The following PPP2CB variants were observed in gnomAD, a reference collection of about 807,000 sequenced individuals.
PPP2CB encodes the protein serine/threonine-protein phosphatase 2A catalytic subunit beta isoform.
A neutral mutation model predicts 39.1 loss-of-function variants in PPP2CB; 18 were observed. The ratio of observed to expected loss-of-function variants is 0.46; its 90% CI spans 0.32 to 0.68. The LOEUF (loss-of-function observed/expected upper bound fraction) is 0.68. Among genes scored for constraint, PPP2CB ranks in the 30% least tolerant of loss-of-function variants. PPP2CB has a pLI of 0.04. For synonymous variants in PPP2CB, 129 were observed against 133.8 expected, an observed-to-expected ratio of 0.96 and a Z score of 0.25; for missense variants, 226 against 396.9, an observed-to-expected ratio of 0.57 and a Z score of 3.66.
At chr8:30,809,915 TGACACACCAA>T (rs1806795514) in intron 1 of PPP2CB, 1 of 149,898 alleles carries the variant, frequency 6.7e-6, no homozygotes, top group Admixed American at 6.7e-5. Flanking sequence ...CCAGCCTGAC[TGACACACCAA>T]GACTGCGTCC....
chr8:30,789,036 T>A (rs2128760173), intron 6 of PPP2CB, among the ~76,000 whole-genome samples: 1 of 151,376 alleles, frequency 6.6e-6, no homozygotes, highest in African/African-American at 2.4e-5. Flanking sequence ...GTGGCCCTGC[T>A]CGGATGTTTT....
intron 6 of PPP2CB, among the ~76,000 whole-genome samples, chr8:30,789,789 G>A (rs546162401): frequency 2.6e-5 from 4 of 152,270 alleles, no homozygotes; most frequent in East Asian, 1.9e-4. Context: ...TGGGGCTGCC[G>A]TAACAAATTA....
At chr8:30,789,371 G>A (rs552636830) in intron 6 of PPP2CB, among the ~76,000 whole-genome samples, 9 of 152,286 alleles carry the variant, frequency 5.9e-5, no homozygotes, top group Non-Finnish European at 1.3e-4. Context: ...GCTACTGAGG[G>A]GCTGTCTCTG....
intron 1 of PPP2CB, among the ~76,000 whole-genome samples, chr8:30,801,489 G>A (rs986825344): frequency 8.6e-5 from 13 of 151,408 alleles, no homozygotes; most frequent in Non-Finnish European, 1.2e-4. Context: ...AGCCAAGATC[G>A]TGCCACTGCA....
chr8:30,812,478 TC>T lies in PPP2CB; in HGVS notation c.-58del. ...CCAGCCCGGCCGCCGCCCTCCCCCCTCCCCACCCGCCCCCGGCCCCGGCCCG... is the reference window on the plus strand; with the variant it reads ...CCAGCCCGGCCGCCGCCCTCCCCCCTCCCACCCGCCCCCGGCCCCGGCCCG... On this transcript the variant is annotated 5_prime_UTR_variant, in exon 1 of 7. Transcript: ENST00000221138. The T allele has an allele frequency of 2.1e-6, 2 of 959,504 alleles. No homozygotes were observed. The highest frequency in any genetic ancestry group is 2.6e-6 in the Non-Finnish European group (2 of 771,222). 59.4% of individuals were successfully genotyped at this position (959,504 alleles called of 1,614,324 possible). A position where few individuals can be genotyped will look rare whatever the true frequency, so the allele number is the denominator to read the frequency against.
At chr8:30,807,316 A>G (rs1204109073) in intron 1 of PPP2CB, among the ~76,000 whole-genome samples, 1 of 152,244 alleles carries the variant, frequency 6.6e-6, no homozygotes, top group Non-Finnish European at 1.5e-5. Context: ...TAATCTAAAA[A>G]AATTTTCTCA....
intron 1 of PPP2CB, among the ~76,000 whole-genome samples, chr8:30,804,325 G>A (rs532268733): frequency 1.3e-5 from 2 of 152,242 alleles, no homozygotes; most frequent in South Asian, 2.1e-4. Flanking sequence ...AACCTCACCC[G>A]AGGAGAGGTC....
chr8:30,792,335 A>C (rs1267949421), intron 5 of PPP2CB, among the ~76,000 whole-genome samples: 1 of 152,030 alleles, frequency 6.6e-6, no homozygotes, highest in African/African-American at 2.4e-5. Flanking sequence ...GAATAGAGGC[A>C]CGAGCCACCA....
chr8:30,795,457 GTTTC>G (rs1173059561), intron 3 of PPP2CB, among the ~76,000 whole-genome samples: 1 of 152,080 alleles, frequency 6.6e-6, no homozygotes, highest in Non-Finnish European at 1.5e-5. Context: ...TACAACTGGC[GTTTC>G]TTTATCCACT....
chr8:30,791,870 A>ATG (rs749829761), intron 5 of PPP2CB, among the ~76,000 whole-genome samples: 11 of 150,254 alleles, frequency 7.3e-5, no homozygotes, highest in Non-Finnish European at 1.6e-4. Flanking sequence ...ATATGTATAT[A>ATG]TGTGTGTGCA....
chr8:30,811,459 G>C (rs1806824641), intron 1 of PPP2CB, among the ~76,000 whole-genome samples: 1 of 150,424 alleles, frequency 6.6e-6, no homozygotes, highest in Non-Finnish European at 1.5e-5. Flanking sequence ...TGGCCATCAC[G>C]CCTACCTCTC....
At chr8:30,805,482 C>G (rs117053610) in intron 1 of PPP2CB, among the ~76,000 whole-genome samples, 10,891 of 152,092 alleles carry the variant, frequency 0.072, 491 homozygotes, top group African/African-American at 0.1. Flanking sequence ...ATGGCATGAA[C>G]CCGGTAGGCG....
chr8:30,812,679 T>C lies in PPP2CB; in HGVS notation c.-258A>G, dbSNP rs1450275846. ...CCCGCCCGGCCGCGCGCCGCGGGAGTCGGTGAAGGACGCGGTGAGGTGCCG... is the reference window on the plus strand; with the variant it reads ...CCCGCCCGGCCGCGCGCCGCGGGAGCCGGTGAAGGACGCGGTGAGGTGCCG... On this transcript the variant is annotated 5_prime_UTR_variant, in exon 1 of 7. Coordinates refer to ENST00000221138, the MANE Select transcript of PPP2CB (RefSeq NM_001009552.2). 8 of 340,170 alleles carry C rather than the reference T, an allele frequency of 2.4e-5. No individual in the cohort carries two copies. Among genetic ancestry groups the C allele is most frequent in the African/African-American group, 6.8e-5 (3 of 44,296 alleles). The allele number at this position is 340,170 out of a possible 1,614,324, so 21.1% of individuals were successfully genotyped here.
intron 1 of PPP2CB, among the ~76,000 whole-genome samples, chr8:30,803,268 G>T (rs956422090): frequency 6.6e-6 from 1 of 151,942 alleles, no homozygotes. Context: ...GGAGGCCGGG[G>T]GCAGTGGCTC....
intron 2 of PPP2CB, among the ~76,000 whole-genome samples, chr8:30,798,430 G>A (rs1300468892): frequency 2.6e-5 from 4 of 151,752 alleles, no homozygotes; most frequent in Admixed American, 6.6e-5. Flanking sequence ...TGTGTCTAAC[G>A]TAAGTTTGGT....
intron 1 of PPP2CB, 131 bp downstream of exon 1, chr8:30,812,189 A>G (rs1586130499): frequency 3.9e-6 from 2 of 515,536 alleles, no homozygotes; most frequent in East Asian, 1.0e-4. Flanking sequence ...TGGACGCCGG[A>G]GCCGGACCCA....
At chr8:30,792,372 T>C (rs1326321063) in intron 5 of PPP2CB, among the ~76,000 whole-genome samples, 1 of 151,526 alleles carries the variant, frequency 6.6e-6, no homozygotes, top group Non-Finnish European at 1.5e-5. Context: ...ATATTTTTGA[T>C]ATTTTGATTA....
intron 1 of PPP2CB, among the ~76,000 whole-genome samples, chr8:30,811,759 C>T (rs941964001): frequency 3.3e-5 from 5 of 152,286 alleles, no homozygotes; most frequent in African/African-American, 1.2e-4. Flanking sequence ...GCTTCAGCCT[C>T]CCGAGTAGCT....
At chr8:30,789,647 C>G (rs975347365) in intron 6 of PPP2CB, among the ~76,000 whole-genome samples, 1 of 152,142 alleles carries the variant, frequency 6.6e-6, no homozygotes, top group African/African-American at 2.4e-5. Context: ...TATTTTAAAG[C>G]CTGACTACCT....
Sources: allele counts gnomAD v4.1 joint callset (sites outside exome capture counted in the v4.1 genomes callset), GRCh38; gene constraint gnomAD v4.1.1; transcripts MANE v1.5; gene names NCBI Gene and HGNC (gene_info 2026-07-23, HGNC 2026-07-21).